DOCK7: variants seen among roughly 807,000 people sequenced by gnomAD.
The protein encoded by DOCK7 is dedicator of cytokinesis protein 7.
Under a neutral mutation model 271.0 loss-of-function variants are expected in DOCK7, and 138 were observed. The observed-to-expected ratio is 0.51, with a 90% CI of 0.44 to 0.59. The LOEUF (loss-of-function observed/expected upper bound fraction) is 0.59. Among genes scored for constraint, DOCK7 ranks in the 20% least tolerant of loss-of-function variants. The probability of loss-of-function intolerance (pLI) is 0.00; values close to 1 mark genes in which losing one functional copy is unlikely to be tolerated. For synonymous variants in DOCK7, 823 were observed against 876.1 expected (o/e 0.94, Z 1.07); for missense variants, 2,066 against 2,592.4 (o/e 0.80, Z 4.41).
chr1:62,633,938 A>G (rs1654932190), intron 9 of DOCK7: 1 of 165,074 alleles, frequency 6.1e-6, no homozygotes, highest in African/African-American at 2.4e-5. Flanking sequence ...CCTGAGAACT[A>G]AACAAGAAAA....
Position 62,688,298 on chromosome 1 carries a change from TGCGGCGGGCCGGGTGCGGACCGGCGGGC to T in DOCK7, c.-62_-35del. Reference sequence around the variant, plus strand: ...CGGCGACGGCGACGGCGGCGGCGGCTGCGGCGGGCCGGGTGCGGACCGGCGGGCGCGTGCCTCCTCGCTCGTGCTCCCT... The same window carrying T: ...CGGCGACGGCGACGGCGGCGGCGGCTGCGTGCCTCCTCGCTCGTGCTCCCT... On this transcript the variant is annotated 5_prime_UTR_variant, in exon 1 of 50. Coordinates refer to ENST00000635253, the MANE Select transcript of DOCK7 (RefSeq NM_001367561.1). 8.2e-7 allele frequency: 1 copy of T among 1,224,538 alleles called. No individual in the cohort carries two copies. The highest frequency in any genetic ancestry group is 1.0e-6 in the Non-Finnish European group (1 of 977,426). 75.9% of individuals were successfully genotyped at this position (1,224,538 alleles called of 1,614,324 possible). A position where few individuals can be genotyped will look rare whatever the true frequency, so the allele number is the denominator to read the frequency against.
intron 20 of DOCK7, among the ~76,000 whole-genome samples, chr1:62,558,127 T>A (rs1193950267): frequency 6.6e-6 from 1 of 152,148 alleles, no homozygotes; most frequent in East Asian, 1.9e-4. Context: ...CCATATTACC[T>A]CTAATCAATC....
At chr1:62,597,972 CAA>C in intron 14 of DOCK7, 1 of 1,557,418 alleles carries the variant, frequency 6.4e-7, no homozygotes, top group Non-Finnish European at 8.6e-7. Context: ...TCTACTTCAA[CAA>C]AAAGTGAAAT....
chr1:62,576,496 A>C (rs1013927005), intron 18 of DOCK7, among the ~76,000 whole-genome samples: 1 of 152,248 alleles, frequency 6.6e-6, no homozygotes, highest in Non-Finnish European at 1.5e-5. Context: ...ATAAGATCAG[A>C]GCAATAGCCT....
At chr1:62,602,234 T>G in intron 14 of DOCK7, 1 of 1,409,602 alleles carries the variant, frequency 7.1e-7, no homozygotes, top group Non-Finnish European at 1.0e-6. Flanking sequence ...GTTATTTACA[T>G]CTGTCAACAT....
intron 4 of DOCK7, among the ~76,000 whole-genome samples, chr1:62,650,645 G>C (rs906962564): frequency 3.3e-5 from 5 of 152,156 alleles, no homozygotes; most frequent in African/African-American, 1.2e-4. Flanking sequence ...GATATGAACA[G>C]ACACTTCTCA....
chr1:62,553,066 C>G (rs1456820362), intron 21 of DOCK7, among the ~76,000 whole-genome samples, 165 bp from the exon 22 acceptor site: 2 of 112,344 alleles, frequency 1.8e-5, no homozygotes, highest in Non-Finnish European at 3.4e-5. Flanking sequence ...GACAGAGTCT[C>G]TCTCTGTTGC....
intron 1 of DOCK7, among the ~76,000 whole-genome samples, chr1:62,681,042 C>T (rs564674167): frequency 4.3e-4 from 65 of 152,274 alleles, no homozygotes; most frequent in African/African-American, 1.4e-3. Context: ...TGGGTATATA[C>T]CCAAAGGATT....
rs149367921 is a variant in DOCK7, at chr1:62,510,588, C to T, written c.4368G>A (p.Glu1456=). The T allele has an allele frequency of 2.5e-4, 411 of 1,612,920 alleles. 1 individual carries two copies. Among genetic ancestry groups the T allele is most frequent in the Admixed American group, 5.0e-5 (3 of 59,912 alleles). Residue 1456 remains glutamate, a synonymous_variant, in exon 34 of 50, where the codon GAG becomes GAA. Transcript: ENST00000635253. ...KDMTHWRQNT[E]KLDKSRAEIE... is the part of the protein sequence containing the mutation. ...GAAAGCTGTATTACTTGTCAAGCTT[C>T]TCTGTGTTTTGACGCCAGTGAGTCA...
At chr1:62,679,888 G>A (rs1660919753) in intron 1 of DOCK7, among the ~76,000 whole-genome samples, 1 of 152,182 alleles carries the variant, frequency 6.6e-6, no homozygotes, top group Non-Finnish European at 1.5e-5. Flanking sequence ...AAATAAAAGA[G>A]GACACAAACA....
Position 62,631,233 on chromosome 1 carries a change from C to T in DOCK7, c.1282+7G>A, listed in dbSNP as rs752203410. The T allele has an allele frequency of 3.3e-5, 52 of 1,578,682 alleles. No individual in the cohort carries two copies. Among genetic ancestry groups the T allele is most frequent in the Non-Finnish European group, 4.2e-5 (49 of 1,167,630 alleles). On this transcript the variant is annotated splice_region_variant and intron_variant, in intron 11 of 49. Transcript: ENST00000635253. ...ATTTAGAAATGTTTTGTATGAAACA[C>T]TCTTACCTCCAGTACTGATTTCTAC...
chr1:62,498,470 T>C (rs904880670), intron 37 of DOCK7, among the ~76,000 whole-genome samples: 1 of 152,190 alleles, frequency 6.6e-6, no homozygotes, highest in Admixed American at 6.5e-5. Flanking sequence ...TCTCGCATTA[T>C]ATTAACAACA....
At chr1:62,651,449 T>TAAAAAAAAAA (rs71045850) in intron 4 of DOCK7, among the ~76,000 whole-genome samples, 3 of 130,148 alleles carry the variant, frequency 2.3e-5, no homozygotes, top group African/African-American at 5.7e-5. Flanking sequence ...TAAAGTATAA[T>TAAAAAAAAAA]AAAAAAAAAA....
intron 14 of DOCK7, among the ~76,000 whole-genome samples, chr1:62,612,552 A>T (rs914520618): frequency 4.6e-5 from 7 of 151,846 alleles, no homozygotes; most frequent in South Asian, 2.1e-4. Flanking sequence ...AATAAAATTA[A>T]AAAAAAAATT....
chr1:62,603,792 C>G (rs543422486), intron 14 of DOCK7, among the ~76,000 whole-genome samples: 9 of 151,872 alleles, frequency 5.9e-5, no homozygotes, highest in Non-Finnish European at 7.4e-5. Flanking sequence ...TTTTTGTGCA[C>G]ATAGCTATCT....
intron 18 of DOCK7, among the ~76,000 whole-genome samples, chr1:62,565,021 G>C (rs1646464637): frequency 6.6e-6 from 1 of 152,088 alleles, no homozygotes; most frequent in South Asian, 2.1e-4. Context: ...TCCCTGAAGA[G>C]ACCAATATTC....
rs1434595112 is a variant in DOCK7 at position 62,555,827 on chromosome 1, G to C, written c.2594C>G (p.Pro865Arg). ...LPNTYPNSSS[P>R]GPGGLGGSVH... ...TCATAGTAAAAAGAATAAAATACCT[G>C]GTGATGATGAATTAGGGTAAGTATT... The change falls in exon 21 of 50, where the codon CCA (proline) becomes CGA (arginine). Residue 865 changes from proline (P) to arginine (R), a missense_variant and splice_region_variant. This residue lies in a region of DOCK7 where 1,414 missense variants were observed against 1,670.4 expected (regional missense o/e 0.85). Transcript: ENST00000635253. 2 of 1,607,022 alleles carry C rather than the reference G, an allele frequency of 1.2e-6. No individual in the cohort carries two copies. The highest frequency in any genetic ancestry group is 1.1e-5 in the South Asian group (1 of 89,932).
chr1:62,565,051 GTAAT>G (rs1571563626), intron 18 of DOCK7, among the ~76,000 whole-genome samples: 1 of 152,082 alleles, frequency 6.6e-6, no homozygotes, highest in Non-Finnish European at 1.5e-5. Context: ...AACTGAGGCA[GTAAT>G]TAATAGCCTA....
chr1:62,494,549 C>T lies in DOCK7; in HGVS notation c.5025-82G>A, dbSNP rs559559835. 4.3e-5 allele frequency: 58 copies of T among 1,350,994 alleles called. No individual in the cohort carries two copies. The South Asian group carries it at 8.3e-4, about 19-fold the overall frequency. The allele number at this position is 1,350,994 out of a possible 1,614,324, so 83.7% of individuals were successfully genotyped here. A position where few individuals can be genotyped will look rare whatever the true frequency, so the allele number is the denominator to read the frequency against. On this transcript the variant is annotated intron_variant, in intron 39 of 49. Coordinates refer to ENST00000635253, the MANE Select transcript of DOCK7 (RefSeq NM_001367561.1). ...TTTAGATAGCTCGCTCAGAGTTTAC[C>T]TAGAAAGGTTTTTGATACTGTGCAC...
Sources: allele counts gnomAD v4.1 joint callset (sites outside exome capture counted in the v4.1 genomes callset), GRCh38; gene constraint gnomAD v4.1.1; regional missense constraint gnomAD v4.1.1; transcripts MANE v1.5; gene names NCBI Gene and HGNC (gene_info 2026-07-23, HGNC 2026-07-21).